PARD3B: variants seen among roughly 807,000 people sequenced by gnomAD.
PARD3B encodes partitioning defective 3 homolog B.
Under a neutral mutation model 130.2 loss-of-function variants are expected in PARD3B, and 103 were observed. The observed-to-expected ratio is 0.79, with a 90% confidence interval of 0.67 to 0.93. The LOEUF is 0.93. Ranked by LOEUF, PARD3B falls within the 40% of genes least tolerant of loss-of-function variation. The pLI, the probability that PARD3B is intolerant of heterozygous loss-of-function variation, is 0.00. For missense variants in PARD3B, 1,609 were observed against 1,499.2 expected (o/e 1.07, Z -1.21); for synonymous variants, 583 against 553.2 (o/e 1.05, Z -0.76).
At position 204,610,994 on chromosome 2, in the gene PARD3B, A is replaced by G. The variant is rs1169173857; in HGVS notation, c.120+64875A>G. 6.6e-6 allele frequency among the ~76,000 whole-genome samples: 1 copy of G among 152,080 alleles called. No homozygotes were observed. Among genetic ancestry groups the G allele is most frequent in the Non-Finnish European group, 1.5e-5 (1 of 68,006 alleles). On this transcript the variant is annotated intron_variant, in intron 1 of 22. Coordinates refer to ENST00000406610, the MANE Select transcript of PARD3B (RefSeq NM_001302769.2). The surrounding 1 kb of genome is among the most constrained non-coding windows in gnomAD (Gnocchi z 4.1). ...TTTTCGAAATCATTTCTCTCATACC[A>G]TCCCTCCAGCAGCGGTCAGAGAATT...
chr2:204,997,426 G>T (rs1212713125), intron 3 of PARD3B, among the ~76,000 whole-genome samples: 1 of 152,166 alleles, frequency 6.6e-6, no homozygotes, highest in Non-Finnish European at 1.5e-5. Flanking sequence ...TTGCCCTTCA[G>T]TAAGGGTTGA....
chr2:205,309,490 A>G lies in PARD3B; in HGVS notation c.2630+7789A>G, dbSNP rs2042301397. ...TATGTTTACTTCATTTTATTCTAAA[A>G]TATACTATCTATTTTATTTAAACTA... On this transcript the variant is annotated intron_variant, in intron 18 of 22. Transcript: ENST00000406610. The surrounding 1 kb of genome is among the most constrained non-coding windows in gnomAD (Gnocchi z 4.7). 6.6e-6 allele frequency among the ~76,000 whole-genome samples: 1 copy of G among 152,204 alleles called. No individual in the cohort carries two copies. Among genetic ancestry groups the G allele is most frequent in the Admixed American group, 6.5e-5 (1 of 15,274 alleles).
chr2:205,216,914 C>T (rs1163693004), intron 15 of PARD3B, among the ~76,000 whole-genome samples: 1 of 152,124 alleles, frequency 6.6e-6, no homozygotes, highest in East Asian at 1.9e-4. Context: ...TAGGCTCCTT[C>T]TCCTCTTCAC....
intron 2 of PARD3B, among the ~76,000 whole-genome samples, chr2:204,824,432 A>C (rs561071894): frequency 9.9e-5 from 15 of 152,098 alleles, no homozygotes; most frequent in African/African-American, 3.6e-4. Context: ...TTGCTTCTTT[A>C]GGAATAGCTC....
intron 2 of PARD3B, among the ~76,000 whole-genome samples, chr2:204,934,422 T>C (rs1351577196): frequency 6.6e-6 from 1 of 152,212 alleles, no homozygotes; most frequent in Non-Finnish European, 1.5e-5. Flanking sequence ...ATGGTGTTTT[T>C]GGAACAATGC....
In PARD3B at chr2:204,886,489, T is replaced by C. The variant is rs576352295; in HGVS notation, c.223-78663T>C. On this transcript the variant is annotated intron_variant, in intron 2 of 22. Coordinates refer to ENST00000406610, the MANE Select transcript of PARD3B (RefSeq NM_001302769.2). ...CAGCGCATTGGGTCTTAGTGTTTTA[T>C]GAATTATTCTTTAGTCTATGTACTT... Among the ~76,000 whole-genome samples the C allele has an allele frequency of 3.9e-5, 6 of 152,242 alleles. No homozygotes were observed. In the South Asian group the frequency reaches 1.2e-3, roughly 32 times the overall value.
chr2:205,285,133 T>A (rs2041345062), intron 16 of PARD3B, among the ~76,000 whole-genome samples: 1 of 152,058 alleles, frequency 6.6e-6, no homozygotes, highest in African/African-American at 2.4e-5. Flanking sequence ...GACTCTGCAA[T>A]GTGTGGGGCA....
chr2:204,643,365 C>A (rs1339888492), intron 1 of PARD3B, among the ~76,000 whole-genome samples: 1 of 151,978 alleles, frequency 6.6e-6, no homozygotes, highest in African/African-American at 2.4e-5. Flanking sequence ...GGGAGTCTGT[C>A]CTGGACTTCA....
intron 22 of PARD3B, among the ~76,000 whole-genome samples, chr2:205,580,656 G>A (rs1206232105): frequency 6.6e-6 from 1 of 152,138 alleles, no homozygotes; most frequent in Admixed American, 6.5e-5. Context: ...ATGACTGCAG[G>A]TTTTAAAAGA....
intron 3 of PARD3B, among the ~76,000 whole-genome samples, chr2:204,996,371 G>T (rs1389005268): frequency 2.6e-5 from 4 of 152,086 alleles, no homozygotes; most frequent in Non-Finnish European, 5.9e-5. Flanking sequence ...CTGCTGGGGG[G>T]TGCCTCCCAG....
chr2:205,311,918 T>C (rs1280424231), intron 18 of PARD3B, among the ~76,000 whole-genome samples: 1 of 152,226 alleles, frequency 6.6e-6, no homozygotes, highest in East Asian at 1.9e-4. Flanking sequence ...TAGGTGGGTT[T>C]GGACTTGGTA....
intron 18 of PARD3B, among the ~76,000 whole-genome samples, chr2:205,319,737 A>G (rs1368685240): frequency 1.3e-5 from 2 of 152,198 alleles, no homozygotes; most frequent in Non-Finnish European, 1.5e-5. Flanking sequence ...TGCTGAGCTA[A>G]TTCTTGATTG....
intron 4 of PARD3B, among the ~76,000 whole-genome samples, chr2:205,082,511 A>T (rs1382658395): frequency 6.6e-6 from 1 of 152,116 alleles, no homozygotes. Context: ...CCTGTTTTCA[A>T]ACCTGGAAAA....
At chr2:205,499,346 T>C (rs2050069956) in intron 20 of PARD3B, among the ~76,000 whole-genome samples, 2 of 151,976 alleles carry the variant, frequency 1.3e-5, no homozygotes, top group African/African-American at 4.8e-5. Context: ...CTTACTGTTT[T>C]GTTTTGTTTT....
chr2:204,842,187 C>T (rs1216197957), intron 2 of PARD3B, among the ~76,000 whole-genome samples: 3 of 151,980 alleles, frequency 2.0e-5, no homozygotes, highest in East Asian at 1.9e-4. Context: ...CTCTTAATAG[C>T]GGTTATTTTT....
In PARD3B at chr2:205,139,492, A is replaced by G. The variant is rs372636650; in HGVS notation, c.1434+13755A>G. ...TTTCAGTGTAATTATTAATGCAATC[A>G]CCTCAATTCCTCTTTGGTATTAGGT... On this transcript the variant is annotated intron_variant, in intron 10 of 22. Coordinates refer to ENST00000406610, the MANE Select transcript of PARD3B (RefSeq NM_001302769.2). Among the ~76,000 whole-genome samples, 4 of 152,328 alleles carry G rather than the reference A, an allele frequency of 2.6e-5. No individual in the cohort carries two copies. In the South Asian group the frequency reaches 6.2e-4, roughly 24 times the overall value.
intron 20 of PARD3B, among the ~76,000 whole-genome samples, chr2:205,472,161 A>G (rs1350784111): frequency 6.6e-6 from 1 of 152,210 alleles, no homozygotes; most frequent in Non-Finnish European, 1.5e-5. Context: ...TCTGAAGGTA[A>G]CATAGGATGC....
chr2:205,213,518 C>T (rs1056343725), intron 15 of PARD3B, among the ~76,000 whole-genome samples: 4 of 152,102 alleles, frequency 2.6e-5, no homozygotes, highest in South Asian at 2.1e-4. Context: ...TCAGAAACCC[C>T]GTGGACCACG....
chr2:204,970,582 T>C (rs1265061472), intron 3 of PARD3B, among the ~76,000 whole-genome samples: 1 of 152,230 alleles, frequency 6.6e-6, no homozygotes, highest in Non-Finnish European at 1.5e-5. Context: ...ATTTCCCTGC[T>C]ATGGCCCCAA....
Sources: gnomAD v4.1 joint callset for allele counts (sites outside exome capture counted in the v4.1 genomes callset) on GRCh38, gnomAD v4.1.1 for gene constraint, Gnocchi (gnomAD v3.1) non-coding constraint, MANE v1.5 for transcripts, NCBI Gene and HGNC (gene_info 2026-07-23, HGNC 2026-07-21) for gene names.